SHROOM4: variants seen among roughly 807,000 people sequenced by gnomAD.
SHROOM4 encodes the protein shroom family member 4, also known as protein Shroom4.
A neutral mutation model predicts 80.3 loss-of-function variants in SHROOM4; 17 were observed. The ratio of observed to expected loss-of-function variants is 0.21; its 90% CI spans 0.14 to 0.32. SHROOM4 has a LOEUF of 0.32. Ranked by LOEUF, SHROOM4 falls within the 10% of genes least tolerant of loss-of-function variation. The pLI, the probability that SHROOM4 is intolerant of heterozygous loss-of-function variation, is 1.00. For missense variants in SHROOM4, 993 were observed against 1,140.3 expected (o/e 0.87, Z 1.86); for synonymous variants, 400 against 437.5 (o/e 0.91, Z 1.07).
chrX:50,633,074 A>T, intron 4 of SHROOM4, 104 bp downstream of exon 4: 1 of 831,903 alleles, frequency 1.2e-6, no homozygotes, highest in Non-Finnish European at 1.7e-6. Context: ...CCAGTGCTGT[A>T]CAGTTTCAAG....
intron 2 of SHROOM4, among the ~76,000 whole-genome samples, chrX:50,667,135 G>A (rs1385993258): frequency 9.0e-6 from 1 of 110,993 alleles, no homozygotes; most frequent in Non-Finnish European, 1.9e-5. Flanking sequence ...CCAAAAAGTC[G>A]GCAGTTCAGA....
chrX:50,660,762 G>A (rs1932481281), intron 2 of SHROOM4, among the ~76,000 whole-genome samples: 1 of 107,325 alleles, frequency 9.3e-6, no homozygotes, highest in African/African-American at 3.4e-5. Context: ...ACTACAGGGC[G>A]TGCACCACCA....
chrX:50,662,145 G>C (rs1380952950), intron 2 of SHROOM4, among the ~76,000 whole-genome samples: 2 of 111,130 alleles, frequency 1.8e-5, no homozygotes, highest in Non-Finnish European at 3.8e-5. Context: ...GGGTATATCT[G>C]TGGATAAGAC....
intron 1 of SHROOM4, among the ~76,000 whole-genome samples, chrX:50,718,943 T>C (rs942670442): frequency 1.8e-5 from 2 of 111,673 alleles, no homozygotes; most frequent in Non-Finnish European, 3.8e-5. Context: ...ACTCAACTAG[T>C]GGCTGGCAGG....
At chrX:50,645,351 T>C (rs782063002) in intron 2 of SHROOM4, among the ~76,000 whole-genome samples, 2 of 112,116 alleles carry the variant, frequency 1.8e-5, no homozygotes, top group African/African-American at 6.5e-5. Flanking sequence ...CAAATGTCTT[T>C]CTCCTTTTGC....
At chrX:50,688,446 C>T (rs1353941606) in intron 2 of SHROOM4, among the ~76,000 whole-genome samples, 9 of 110,809 alleles carry the variant, frequency 8.1e-5, no homozygotes, top group African/African-American at 1.3e-4. Flanking sequence ...ACATGGAGGA[C>T]GTTATGTTAA....
At chrX:50,793,447 C>CA (rs1935893641) in intron 1 of SHROOM4, among the ~76,000 whole-genome samples, 1 of 109,585 alleles carries the variant, frequency 9.1e-6, no homozygotes, top group Non-Finnish European at 1.9e-5. Context: ...AATGTTCTCA[C>CA]TACAATAAAA....
rs782530547 is a variant in SHROOM4 at position 50,694,543 on chromosome X, A to ATTTTTTTTTTTTTTTTTTTTTTTTTT, written c.269+1217_269+1242dup. Reference sequence around the variant, plus strand: ...AGGTCTTTGCCCATTTTTAAGTTGGATTTTTTTTTTTTTTTTTTTTTTTTT... The same window carrying ATTTTTTTTTTTTTTTTTTTTTTTTTT: ...AGGTCTTTGCCCATTTTTAAGTTGGATTTTTTTTTTTTTTTTTTTTTTTTTTTTTTTTTTTTTTTTTTTTTTTTTTT... On this transcript the variant is annotated intron_variant, in intron 2 of 8. Coordinates refer to ENST00000376020, the MANE Select transcript of SHROOM4 (RefSeq NM_020717.5). Among the ~76,000 whole-genome samples, 2 of 12,494 alleles carry ATTTTTTTTTTTTTTTTTTTTTTTTTT rather than the reference A, an allele frequency of 1.6e-4. 1 individual carries two copies. Among genetic ancestry groups the ATTTTTTTTTTTTTTTTTTTTTTTTTT allele is most frequent in the Non-Finnish European group, 2.5e-4 (2 of 7,949 alleles). The allele number at this position is 12,494 out of a possible 115,157, so 10.8% of individuals were successfully genotyped here.
intron 1 of SHROOM4, among the ~76,000 whole-genome samples, chrX:50,749,327 G>C (rs1235692722): frequency 8.9e-6 from 1 of 112,298 alleles, no homozygotes; most frequent in Non-Finnish European, 1.9e-5. Context: ...AGCCATATCA[G>C]AATAAATAAG....
At chrX:50,620,007 C>G (rs1393718828) in intron 5 of SHROOM4, among the ~76,000 whole-genome samples, 1 of 111,361 alleles carries the variant, frequency 9.0e-6, no homozygotes, top group Non-Finnish European at 1.9e-5. Context: ...AAACCCAATT[C>G]TAGCTAGCAG....
intron 1 of SHROOM4, among the ~76,000 whole-genome samples, chrX:50,811,178 G>A (rs1557273408): frequency 9.0e-6 from 1 of 110,610 alleles, no homozygotes; most frequent in Non-Finnish European, 1.9e-5. Flanking sequence ...ATGGTAGCGT[G>A]TGCCTGTAGT....
chrX:50,628,661 A>G, intron 4 of SHROOM4, among the ~76,000 whole-genome samples: 1 of 111,737 alleles, frequency 8.9e-6, no homozygotes, highest in East Asian at 2.8e-4. Context: ...ATAAACATAG[A>G]TCCTTGGCGC....
downstream of SHROOM4, among the ~76,000 whole-genome samples, chrX:50,585,224 A>G (rs1327130268): frequency 8.9e-6 from 1 of 111,781 alleles, no homozygotes; most frequent in African/African-American, 3.3e-5. Flanking sequence ...CACAGCCTAA[A>G]GGGAGAGACA....
At chrX:50,679,695 A>G (rs1225197643) in intron 2 of SHROOM4, among the ~76,000 whole-genome samples, 1 of 111,997 alleles carries the variant, frequency 8.9e-6, no homozygotes, top group Non-Finnish European at 1.9e-5. Flanking sequence ...CTTCATGTTA[A>G]GAATATTCCA....
At chrX:50,660,676 C>T (rs1932478628) in intron 2 of SHROOM4, among the ~76,000 whole-genome samples, 1 of 102,969 alleles carries the variant, frequency 9.7e-6, no homozygotes, top group Non-Finnish European at 2.0e-5. Context: ...AGTGCAGGGG[C>T]GTGATCACGG....
chrX:50,712,631 T>C (rs1933848306), intron 1 of SHROOM4, among the ~76,000 whole-genome samples: 1 of 111,606 alleles, frequency 9.0e-6, no homozygotes, highest in Non-Finnish European at 1.9e-5. Context: ...AAGCAAGAGA[T>C]TAAAGCTGGA....
chrX:50,700,961 A>G (rs782364395), intron 1 of SHROOM4, among the ~76,000 whole-genome samples: 10 of 111,905 alleles, frequency 8.9e-5, no homozygotes, highest in African/African-American at 3.2e-4. Flanking sequence ...TAATAAGCAG[A>G]TGCCCAAATC....
At chrX:50,767,145 C>T (rs1935292930) in intron 1 of SHROOM4, among the ~76,000 whole-genome samples, 1 of 111,953 alleles carries the variant, frequency 8.9e-6, no homozygotes, top group African/African-American at 3.2e-5. Flanking sequence ...ACCTTTTGGC[C>T]TCGTTATTAC....
intron 2 of SHROOM4, among the ~76,000 whole-genome samples, chrX:50,690,208 AT>A (rs1933186199): frequency 8.9e-6 from 1 of 111,987 alleles, no homozygotes. Flanking sequence ...TTTATTAGAT[AT>A]TTTTAAGTTC....
Sources: allele counts gnomAD v4.1 joint callset (sites outside exome capture counted in the v4.1 genomes callset), GRCh38; gene constraint gnomAD v4.1.1; transcripts MANE v1.5; gene names NCBI Gene and HGNC (gene_info 2026-07-23, HGNC 2026-07-21).